The following UNC13C variants were observed in gnomAD, a reference collection of about 807,000 sequenced individuals.
The protein encoded by UNC13C is unc-13 homolog C.
A neutral mutation model predicts 245.4 loss-of-function variants in UNC13C; 174 were observed. The ratio of observed to expected loss-of-function variants is 0.71; its 90% CI spans 0.63 to 0.80. UNC13C has a LOEUF of 0.80. UNC13C is among the 30% of genes least tolerant of loss of function. The pLI, the probability that UNC13C is intolerant of heterozygous loss-of-function variation, is 0.00. For missense variants in UNC13C, 2,829 were observed against 2,602.9 expected (o/e 1.09, Z -1.89); for synonymous variants, 992 against 895.1 (o/e 1.11, Z -1.93).
At chr15:54,241,613 C>G (rs940639272) in intron 7 of UNC13C, among the ~76,000 whole-genome samples, 2 of 152,162 alleles carry the variant, frequency 1.3e-5, no homozygotes, top group African/African-American at 4.8e-5. Flanking sequence ...TTTGCTTCAT[C>G]AATAAAATGA....
At chr15:54,309,938 T>C (rs957011690) in intron 13 of UNC13C, among the ~76,000 whole-genome samples, 9 of 151,862 alleles carry the variant, frequency 5.9e-5, no homozygotes, top group African/African-American at 2.2e-4. Flanking sequence ...ACTTTTCCCA[T>C]GGAACTAAAA....
chr15:54,055,990 G>A (rs564661052), intron 2 of UNC13C, among the ~76,000 whole-genome samples: 2 of 152,190 alleles, frequency 1.3e-5, no homozygotes, highest in East Asian at 1.9e-4. Flanking sequence ...TTCTCCGCAT[G>A]ATTTCTCTGA....
intron 4 of UNC13C, among the ~76,000 whole-genome samples, chr15:54,193,454 C>G (rs1304887583): frequency 6.6e-6 from 1 of 152,096 alleles, no homozygotes; most frequent in Non-Finnish European, 1.5e-5. Context: ...GCCCTAAAGG[C>G]AATCACCTTT....
chr15:54,323,288 T>G (rs2038213584), intron 14 of UNC13C, among the ~76,000 whole-genome samples: 2 of 152,016 alleles, frequency 1.3e-5, no homozygotes, highest in Admixed American at 1.3e-4. Flanking sequence ...GCGAGGTGTA[T>G]GAAGTGAATT....
intron 4 of UNC13C, among the ~76,000 whole-genome samples, chr15:54,165,638 T>C (rs920151154): frequency 2.0e-5 from 3 of 152,170 alleles, no homozygotes; most frequent in African/African-American, 7.2e-5. Flanking sequence ...ATAATTTATT[T>C]AATCAGCATT....
chr15:54,308,315 A>C (rs1419268532), intron 13 of UNC13C, among the ~76,000 whole-genome samples: 1 of 151,962 alleles, frequency 6.6e-6, no homozygotes, highest in Non-Finnish European at 1.5e-5. Flanking sequence ...ATAACTTTGT[A>C]GCAGTTGCTT....
chr15:54,155,992 A>G (rs1429635462), intron 4 of UNC13C, among the ~76,000 whole-genome samples: 2 of 152,240 alleles, frequency 1.3e-5, no homozygotes, highest in East Asian at 3.8e-4. Flanking sequence ...GACCAAAGAT[A>G]CTAAATATAT....
At chr15:54,197,736 CAG>C (rs1347397826) in intron 4 of UNC13C, among the ~76,000 whole-genome samples, 1 of 152,082 alleles carries the variant, frequency 6.6e-6, no homozygotes, top group Non-Finnish European at 1.5e-5. Context: ...CCTGCTCAGA[CAG>C]AGAGAGCAAT....
chr15:54,552,475 TAA>T (rs1896803906), intron 28 of UNC13C, among the ~76,000 whole-genome samples: 2 of 46,016 alleles, frequency 4.3e-5, no homozygotes, highest in Non-Finnish European at 7.3e-5. Context: ...TTACAATATA[TAA>T]TATAATTATA....
chr15:53,990,209 C>A (rs1440474942), intron 1 of UNC13C, among the ~76,000 whole-genome samples: 4 of 151,994 alleles, frequency 2.6e-5, no homozygotes, highest in Non-Finnish European at 5.9e-5. Flanking sequence ...AAATATATAC[C>A]TGTTTTTGTC....
intron 13 of UNC13C, among the ~76,000 whole-genome samples, chr15:54,313,298 A>G (rs8032831): frequency 0.14 from 20,600 of 151,782 alleles, 1,579 homozygotes; most frequent in Admixed American, 0.2. Flanking sequence ...GTCATACTCA[A>G]GCATATGTCC....
At chr15:54,394,540 T>G (rs956980126) in intron 18 of UNC13C, among the ~76,000 whole-genome samples, 1 of 151,852 alleles carries the variant, frequency 6.6e-6, no homozygotes, top group Non-Finnish European at 1.5e-5. Flanking sequence ...TTTTCTTATT[T>G]ACTCTTTGGA....
chr15:54,359,487 G>A (rs1356824869), intron 17 of UNC13C, among the ~76,000 whole-genome samples: 1 of 151,848 alleles, frequency 6.6e-6, no homozygotes, highest in Non-Finnish European at 1.5e-5. Context: ...CTTCTTTGAT[G>A]GGAGAGTCTA....
At chr15:54,325,467 T>C (rs2038275519) in intron 14 of UNC13C, among the ~76,000 whole-genome samples, 1 of 152,064 alleles carries the variant, frequency 6.6e-6, no homozygotes, top group Non-Finnish European at 1.5e-5. Flanking sequence ...ACGTGCAGTT[T>C]TGTTACATAG....
intron 30 of UNC13C, among the ~76,000 whole-genome samples, chr15:54,614,247 T>C (rs1012751199): frequency 6.6e-6 from 1 of 151,996 alleles, no homozygotes; most frequent in Admixed American, 6.6e-5. Context: ...TTTAACACCA[T>C]ATTGCATAGA....
At chr15:53,901,215 T>G in the UNC13C span, among the ~76,000 whole-genome samples, 3 of 125,830 alleles carry the variant, frequency 2.4e-5, no homozygotes, top group Non-Finnish European at 3.2e-5. Context: ...TCTTCATAGA[T>G]TTCTTTTTTT....
chr15:54,195,405 A>G (rs920648780), intron 4 of UNC13C, among the ~76,000 whole-genome samples: 2 of 152,170 alleles, frequency 1.3e-5, no homozygotes, highest in Non-Finnish European at 2.9e-5. Flanking sequence ...AATGAATAAC[A>G]TTTGTTTTGG....
At chr15:54,376,811 A>G (rs779743786) in intron 17 of UNC13C, among the ~76,000 whole-genome samples, 8 of 152,226 alleles carry the variant, frequency 5.3e-5, no homozygotes, top group Non-Finnish European at 8.8e-5. Context: ...GGTGAGTTCA[A>G]TAGGTTTCAT....
chr15:54,477,485 C>G (rs1191584003), intron 19 of UNC13C, among the ~76,000 whole-genome samples: 306 of 99,106 alleles, frequency 3.1e-3, no homozygotes, highest in East Asian at 5.1e-3. Context: ...TACGTCCCAT[C>G]AATACCTAAT....
Sources: allele counts gnomAD v4.1 joint callset (sites outside exome capture counted in the v4.1 genomes callset), GRCh38; gene constraint gnomAD v4.1.1; transcripts MANE v1.5; gene names NCBI Gene and HGNC (gene_info 2026-07-23, HGNC 2026-07-21).